The following COL4A2 variants were observed in gnomAD, a reference collection of about 807,000 sequenced individuals.
COL4A2 encodes collagen alpha-2(IV) chain.
In COL4A2, 99 loss-of-function variants were observed where a neutral mutation model predicts 200.2. That is an observed-to-expected ratio of 0.49 (90% CI 0.42 to 0.58). The LOEUF (loss-of-function observed/expected upper bound fraction) is 0.58, where lower values mean the gene tolerates loss of function less well. COL4A2 is among the 20% of genes least tolerant of loss of function. The pLI is 0.00. For synonymous variants in COL4A2, 897 were observed against 900.6 expected, an observed-to-expected ratio of 1.00 and a Z score of 0.07; for missense variants, 1,950 against 2,314.1, an observed-to-expected ratio of 0.84 and a Z score of 3.23.
rs764182733 is a variant in COL4A2 at position 110,465,994 on chromosome 13, T to TC, written c.1979-3dup. 6 of 1,612,742 alleles carry TC rather than the reference T, an allele frequency of 3.7e-6. No homozygotes were observed. Among genetic ancestry groups the TC allele is most frequent in the Non-Finnish European group, 5.1e-6 (6 of 1,179,226 alleles). On this transcript the variant is annotated splice_polypyrimidine_tract_variant and intron_variant, in intron 25 of 47. Transcript: ENST00000360467. The stretch of plus-strand genomic sequence containing the variant: ...ATTGCCTCACTCTGTCCTTATGTCT[T>TC]CCCCCCAGATTGTGACACAGATGTG...
chr13:110,443,492 T>C (rs1180678933), intron 16 of COL4A2, among the ~76,000 whole-genome samples: 7 of 152,160 alleles, frequency 4.6e-5, no homozygotes, highest in Admixed American at 3.9e-4. Flanking sequence ...AAACATAAAA[T>C]CAACCTTGTA....
At chr13:110,378,880 T>G (rs1249784394) in intron 4 of COL4A2, among the ~76,000 whole-genome samples, 2 of 152,142 alleles carry the variant, frequency 1.3e-5, no homozygotes, top group African/African-American at 4.8e-5. Flanking sequence ...AGCTCCACAT[T>G]GGTGTCGGTG....
At chr13:110,468,331 C>T (rs746771433) in intron 27 of COL4A2, 4 of 462,300 alleles carry the variant, frequency 8.7e-6, no homozygotes, top group African/African-American at 2.1e-5. Flanking sequence ...CTAATTCCAT[C>T]CATGGATTTC....
intron 4 of COL4A2, among the ~76,000 whole-genome samples, chr13:110,385,979 CACAGCGTGTG>C (rs1878723702): frequency 5.1e-4 from 2 of 3,920 alleles, no homozygotes; most frequent in Admixed American, 5.3e-3. Context: ...GGGCCGTGGT[CACAGCGTGTG>C]GATGGGCCGT....
chr13:110,417,598 C>T (rs920357766), intron 4 of COL4A2, among the ~76,000 whole-genome samples: 1 of 152,194 alleles, frequency 6.6e-6, no homozygotes, highest in African/African-American at 2.4e-5. Flanking sequence ...CAGAAACTTT[C>T]CTTGTGCCCT....
At chr13:110,431,565 T>C (rs4572246) in intron 10 of COL4A2, among the ~76,000 whole-genome samples, 111,637 of 152,106 alleles carry the variant, frequency 0.73, 41,350 homozygotes, top group Middle Eastern at 0.77. Flanking sequence ...TACGAGGCGC[T>C]GTTGCTGTTT....
chr13:110,328,419 G>A (rs932231417), intron 3 of COL4A2: 11 of 152,230 alleles, frequency 7.2e-5, no homozygotes, highest in Non-Finnish European at 1.0e-4. Flanking sequence ...ACCCCTGGCA[G>A]GCAAGTTCAC....
chr13:110,309,327 G>A (rs1028524193), intron 3 of COL4A2, among the ~76,000 whole-genome samples: 6 of 152,222 alleles, frequency 3.9e-5, no homozygotes, highest in Non-Finnish European at 7.3e-5. Context: ...TTTTCTTCCA[G>A]TTCAGGTCTG....
chr13:110,351,485 C>T (rs1432612485), intron 3 of COL4A2, among the ~76,000 whole-genome samples: 1 of 152,204 alleles, frequency 6.6e-6, no homozygotes, highest in Non-Finnish European at 1.5e-5. Flanking sequence ...TTCATCTCTT[C>T]CTTGCAGCTC....
chr13:110,446,789 T>G lies in COL4A2; in HGVS notation c.1012-9T>G. On this transcript the variant is annotated splice_polypyrimidine_tract_variant and intron_variant, in intron 17 of 47. Coordinates refer to ENST00000360467, the MANE Select transcript of COL4A2 (RefSeq NM_001846.4). ...TCTCACATCCTGTTTTTCTCTTTTC[T>G]TTCTCTAGGGAGAAGCCGGAGACCC... is the stretch of plus-strand genomic sequence containing the variant. 6.2e-7 allele frequency: 1 copy of G among 1,609,394 alleles called. No individual in the cohort carries two copies. The highest frequency in any genetic ancestry group is 8.5e-7 in the Non-Finnish European group (1 of 1,176,204).
intron 3 of COL4A2, among the ~76,000 whole-genome samples, chr13:110,341,378 G>T (rs942566639): frequency 6.6e-6 from 1 of 152,198 alleles, no homozygotes; most frequent in Non-Finnish European, 1.5e-5. Context: ...ACTCACTCAC[G>T]AGCCTTAGGT....
intron 3 of COL4A2, among the ~76,000 whole-genome samples, chr13:110,343,979 A>G (rs976248345): frequency 6.6e-6 from 1 of 152,168 alleles, no homozygotes; most frequent in African/African-American, 2.4e-5. Context: ...ACACATTTTC[A>G]TTCATTGCCA....
intron 20 of COL4A2, among the ~76,000 whole-genome samples, chr13:110,451,050 A>G (rs184369664): frequency 1.3e-5 from 2 of 152,298 alleles, no homozygotes; most frequent in East Asian, 3.9e-4. Context: ...AAAGTCAATA[A>G]AGCCGGCAGG....
intron 3 of COL4A2, among the ~76,000 whole-genome samples, chr13:110,341,203 G>T (rs933309821): frequency 6.6e-6 from 1 of 152,212 alleles, no homozygotes; most frequent in Middle Eastern, 3.2e-3. Context: ...CCAAGCGCGT[G>T]GCGTCATCGG....
Position 110,432,376 on chromosome 13 carries a change from G to A in COL4A2, c.684+16G>A, listed in dbSNP as rs1201124487. 11 of 1,603,100 alleles carry A rather than the reference G, an allele frequency of 6.9e-6. No individual in the cohort carries two copies. Among genetic ancestry groups the A allele is most frequent in the Admixed American group, 3.4e-5 (2 of 58,300 alleles). Reference sequence around the variant, plus strand: ...AGGACAGCAAGTAAGTTGGTTTTGGGGGGTGAGGATGAGGGAAGGGGGTAC... The same window carrying A: ...AGGACAGCAAGTAAGTTGGTTTTGGAGGGTGAGGATGAGGGAAGGGGGTAC... On this transcript the variant is annotated intron_variant, in intron 11 of 47. Transcript: ENST00000360467.
intron 3 of COL4A2, among the ~76,000 whole-genome samples, chr13:110,314,748 G>A (rs565007480): frequency 2.0e-5 from 3 of 152,306 alleles, no homozygotes; most frequent in African/African-American, 7.2e-5. Flanking sequence ...CTCACCCCTA[G>A]GAACGCATCA....
In COL4A2 at chr13:110,508,977, C is replaced by T. The variant is rs1054528354; in HGVS notation, c.4881+756C>T. Among the ~76,000 whole-genome samples the T allele has an allele frequency of 7.9e-5, 12 of 151,976 alleles. No individual in the cohort carries two copies. The highest frequency in any genetic ancestry group is 2.2e-4 in the African/African-American group (9 of 41,380). ...ATGAAGATACTATAAGTTGAAAGTGCGTTTTCAATTTATGATGGGTTTATC... is the reference window on the plus strand; with the variant it reads ...ATGAAGATACTATAAGTTGAAAGTGTGTTTTCAATTTATGATGGGTTTATC... On this transcript the variant is annotated intron_variant, in intron 47 of 47. Coordinates refer to ENST00000360467, the MANE Select transcript of COL4A2 (RefSeq NM_001846.4). This position sits in a 1 kb window ranked among gnomAD's most constrained non-coding sequence, Gnocchi z 6.1.
chr13:110,314,503 T>C (rs1462407318), intron 3 of COL4A2, among the ~76,000 whole-genome samples: 2 of 152,202 alleles, frequency 1.3e-5, no homozygotes, highest in Non-Finnish European at 2.9e-5. Flanking sequence ...AAAAGGATTT[T>C]TGTCCCCTGG....
intron 29 of COL4A2, among the ~76,000 whole-genome samples, chr13:110,474,488 C>T (rs944604838): frequency 3.3e-5 from 5 of 152,170 alleles, no homozygotes; most frequent in African/African-American, 1.2e-4. Flanking sequence ...TACTAGGGAG[C>T]GCCCATGGGT....
Sources: gnomAD v4.1 joint callset for allele counts (sites outside exome capture counted in the v4.1 genomes callset) on GRCh38, gnomAD v4.1.1 for gene constraint, Gnocchi (gnomAD v3.1) non-coding constraint, MANE v1.5 for transcripts, NCBI Gene and HGNC (gene_info 2026-07-23, HGNC 2026-07-21) for gene names.